The following DNAH11 variants were observed in gnomAD, a reference collection of about 807,000 sequenced individuals.
DNAH11 encodes the protein axonemal beta dynein heavy chain 11.
A neutral mutation model predicts 526.0 loss-of-function variants in DNAH11; 442 were observed. The observed-to-expected ratio is 0.84, with a 90% CI of 0.78 to 0.91. The LOEUF is 0.91. Among genes scored for constraint, DNAH11 ranks in the 40% least tolerant of loss-of-function variants. DNAH11 has a pLI of 0.00. For synonymous variants in DNAH11, 2,461 were observed against 1,935.9 expected (o/e 1.27, Z -7.12); for missense variants, 6,989 against 5,448.7 (o/e 1.28, Z -8.90).
chr7:21,584,308 C>G (rs1390828366), intron 9 of DNAH11, among the ~76,000 whole-genome samples: 1 of 152,152 alleles, frequency 6.6e-6, no homozygotes, highest in African/African-American at 2.4e-5. Flanking sequence ...AACCAACATT[C>G]TCAGCAAACT....
rs1350000989 is a variant in DNAH11 at position 21,894,988 on chromosome 7, C to T, written c.13038C>T (p.Gly4346=). The change falls in exon 79 of 82, where the codon GGC becomes GGT. Residue 4346 remains glycine, a synonymous_variant. Transcript: ENST00000409508. ...WSKLAYPSTY[G]LAQWFNDLLL... ...AACTGGCTTATCCTTCTACTTATGG[C>T]CTAGCCCAGTGGTAAGCTACCCCAT... 1.2e-6 allele frequency: 2 copies of T among 1,613,788 alleles called. No individual in the cohort carries two copies. The highest frequency in any genetic ancestry group is 1.7e-6 in the Non-Finnish European group (2 of 1,179,774).
chr7:21,864,537 T>C lies in DNAH11; in HGVS notation c.11376T>C (p.Ile3792=), dbSNP rs1783196130. ...LTFLSQMAFQ[I]LLRKKEIDPL... ...TTTCAATTTTGTCTACTCTCAAGAT[T>C]TTGTTGAGAAAGAAAGAGATAGACC... Residue 3792 remains isoleucine (I), a splice_region_variant and synonymous_variant, in exon 70 of 82, where the codon ATT becomes ATC. Coordinates refer to ENST00000409508, the MANE Select transcript of DNAH11 (RefSeq NM_001277115.2). 1 of 1,610,928 alleles carries C rather than the reference T, an allele frequency of 6.2e-7. No individual in the cohort carries two copies. Among genetic ancestry groups the C allele is most frequent in the East Asian group, 2.2e-5 (1 of 44,710 alleles).
At chr7:21,710,039 T>C (rs1784403877) in intron 40 of DNAH11, among the ~76,000 whole-genome samples, 1 of 152,186 alleles carries the variant, frequency 6.6e-6, no homozygotes, top group Non-Finnish European at 1.5e-5. Flanking sequence ...CTATACATCT[T>C]GTTAAGGAAT....
At chr7:21,629,369 G>C (rs1786494102) in intron 25 of DNAH11, among the ~76,000 whole-genome samples, 1 of 152,144 alleles carries the variant, frequency 6.6e-6, no homozygotes, top group African/African-American at 2.4e-5. Context: ...AAAAGGATTT[G>C]TATTCTGCAG....
At chr7:21,545,578 A>G (rs1432951146) in intron 2 of DNAH11, among the ~76,000 whole-genome samples, 1 of 152,230 alleles carries the variant, frequency 6.6e-6, no homozygotes, top group African/African-American at 2.4e-5. Flanking sequence ...GTTAGAAACT[A>G]ACAGTTAAAG....
chr7:21,549,535 C>G (rs1008891319), intron 2 of DNAH11, among the ~76,000 whole-genome samples: 4 of 151,744 alleles, frequency 2.6e-5, no homozygotes, highest in African/African-American at 9.7e-5. Context: ...AACAAATTGC[C>G]CTAGGGGGGT....
At chr7:21,554,938 G>A (rs1022953353) in intron 2 of DNAH11, among the ~76,000 whole-genome samples, 1 of 152,144 alleles carries the variant, frequency 6.6e-6, no homozygotes, top group African/African-American at 2.4e-5. Context: ...ACTCTGCCAT[G>A]GTCTGCAGGT....
intron 34 of DNAH11, 108 bp downstream of exon 34, chr7:21,687,635 A>C: frequency 1.5e-6 from 2 of 1,323,288 alleles, no homozygotes; most frequent in Non-Finnish European, 2.0e-6. Context: ...CATGAAATAG[A>C]TAAAGGAAGA....
At chr7:21,759,467 C>T (rs941714535) in intron 54 of DNAH11, among the ~76,000 whole-genome samples, 6 of 152,066 alleles carry the variant, frequency 3.9e-5, no homozygotes, top group South Asian at 2.1e-4. Context: ...CAGGAAGATA[C>T]GAGGACGATG....
intron 28 of DNAH11, among the ~76,000 whole-genome samples, chr7:21,639,435 G>T (rs1157283324): frequency 2.0e-5 from 3 of 152,058 alleles, no homozygotes; most frequent in South Asian, 2.1e-4. Flanking sequence ...GATCATAGCT[G>T]GTACCTTCTT....
At chr7:21,631,917 C>G (rs1398939845) in intron 25 of DNAH11, among the ~76,000 whole-genome samples, 1 of 152,236 alleles carries the variant, frequency 6.6e-6, no homozygotes, top group Non-Finnish European at 1.5e-5. Context: ...CCACATTTCC[C>G]TTCTGCACTG....
In DNAH11 at chr7:21,698,193, A is replaced by G; in HGVS notation, c.6160A>G (p.Lys2054Glu). 6.2e-7 allele frequency: 1 copy of G among 1,613,584 alleles called. No individual in the cohort carries two copies. Among genetic ancestry groups the G allele is most frequent in the Non-Finnish European group, 8.5e-7 (1 of 1,179,672 alleles). The stretch of plus-strand genomic sequence containing the variant: ...GTTCATTACGTTGTACACGCTTTGC[A>G]AGGAGCTTCTCTCCAAGCAGGTGAG... ...RKFITLYTLC[K>E]ELLSKQDHYD... Residue 2054 changes from lysine to glutamate, a missense_variant, in exon 36 of 82, where the codon AAG becomes GAG. Lys to Glu is a moderately conservative substitution (Grantham distance 56, BLOSUM62 1). Transcript: ENST00000409508.
At chr7:21,750,507 G>C in intron 54 of DNAH11, 143 bp downstream of exon 54, 1 of 1,125,904 alleles carries the variant, frequency 8.9e-7, no homozygotes, top group East Asian at 2.6e-5. Flanking sequence ...CCTGTATCTG[G>C]AGCGTACCTT....
intron 73 of DNAH11, among the ~76,000 whole-genome samples, chr7:21,869,724 C>T (rs142481134): frequency 6.8e-4 from 104 of 152,322 alleles, no homozygotes; most frequent in African/African-American, 2.4e-3. Context: ...TTATCTCATA[C>T]AAGTCCAACT....
At chr7:21,591,132 A>G in intron 13 of DNAH11, 53 bp from the exon 14 acceptor site, 2 of 1,513,462 alleles carry the variant, frequency 1.3e-6, no homozygotes. Context: ...TTTAAGACAG[A>G]GAAAATAGCT....
chr7:21,598,627 T>TAAATG (rs1784956316), intron 14 of DNAH11, among the ~76,000 whole-genome samples: 2 of 132,382 alleles, frequency 1.5e-5, no homozygotes, highest in African/African-American at 5.6e-5. Flanking sequence ...ATAAATAAAT[T>TAAATG]GTGCTTAAAC....
At chr7:21,617,466 C>T (rs902771271) in intron 22 of DNAH11, among the ~76,000 whole-genome samples, 153 bp from the exon 23 acceptor site, 6 of 152,120 alleles carry the variant, frequency 3.9e-5, no homozygotes, top group African/African-American at 1.4e-4. Context: ...GATCCCTTTT[C>T]GTTTCTCTGG....
intron 81 of DNAH11, among the ~76,000 whole-genome samples, chr7:21,900,359 A>T (rs763825073): frequency 9.7e-6 from 1 of 102,738 alleles, no homozygotes; most frequent in Non-Finnish European, 2.5e-5. Flanking sequence ...CTGGATGTTA[A>T]TGCCACTGAA....
chr7:21,589,600 T>C (rs1784602582), intron 12 of DNAH11, among the ~76,000 whole-genome samples, 197 bp downstream of exon 12: 1 of 152,186 alleles, frequency 6.6e-6, no homozygotes, highest in South Asian at 2.1e-4. Context: ...TTAATTTGTA[T>C]TGTAATTGTT....
Sources: allele counts gnomAD v4.1 joint callset (sites outside exome capture counted in the v4.1 genomes callset), GRCh38; gene constraint gnomAD v4.1.1; transcripts MANE v1.5; gene names NCBI Gene and HGNC (gene_info 2026-07-23, HGNC 2026-07-21).